RPS6KA4: variants seen among roughly 807,000 people sequenced by gnomAD.
The protein encoded by RPS6KA4 is ribosomal protein S6 kinase alpha-4.
Under a neutral mutation model 89.6 loss-of-function variants are expected in RPS6KA4, and 38 were observed. That is an observed-to-expected ratio of 0.42 (90% CI 0.33 to 0.56). The LOEUF is 0.56. Ranked by LOEUF, RPS6KA4 falls within the 20% of genes least tolerant of loss-of-function variation. The pLI is 0.07. For missense variants in RPS6KA4, 873 were observed against 1,098.8 expected, an observed-to-expected ratio of 0.79 and a Z score of 2.90; for synonymous variants, 495 against 492.8, an observed-to-expected ratio of 1.00 and a Z score of -0.06.
chr11:64,365,360 C>A lies in RPS6KA4; in HGVS notation c.966C>A (p.Ile322=). Residue 322 remains isoleucine (I), a synonymous_variant, in exon 9 of 17, where the codon ATC becomes ATA. Coordinates refer to ENST00000334205, the MANE Select transcript of RPS6KA4 (RefSeq NM_003942.3). ...TTCCAGCCCCATTCCGGCCCCAAAT[C>A]CGCTCAGAGCTGGATGTGGGCAACT... ...RKIPAPFRPQ[I]RSELDVGNFA... The A allele has an allele frequency of 1.2e-6, 2 of 1,614,098 alleles. No individual in the cohort carries two copies. Among genetic ancestry groups the A allele is most frequent in the South Asian group, 1.1e-5 (1 of 91,086 alleles).
At position 64,370,530 on chromosome 11, in the gene RPS6KA4, G is replaced by T; in HGVS notation, c.1958-33G>T. On this transcript the variant is annotated intron_variant, in intron 15 of 16. Coordinates refer to ENST00000334205, the MANE Select transcript of RPS6KA4 (RefSeq NM_003942.3). The surrounding 1 kb of genome is among the most constrained non-coding windows in gnomAD (Gnocchi z 4.1). Reference sequence around the variant, plus strand: ...CTTTGGGGCTCAGCCTTTACGCCAGGCTCCTCCCCACACTTCCTTGCCCCG... The same window carrying T: ...CTTTGGGGCTCAGCCTTTACGCCAGTCTCCTCCCCACACTTCCTTGCCCCG... 1 of 1,588,738 alleles carries T rather than the reference G, an allele frequency of 6.3e-7. No individual in the cohort carries two copies. Among genetic ancestry groups the T allele is most frequent in the Non-Finnish European group, 8.5e-7 (1 of 1,170,750 alleles).
In RPS6KA4 at chr11:64,370,196, C is replaced by T; in HGVS notation, c.1798-29C>T. The T allele has an allele frequency of 6.6e-7, 1 of 1,513,536 alleles. No homozygotes were observed. 93.8% of individuals were successfully genotyped at this position (1,513,536 alleles called of 1,614,324 possible). ...GTCAGCCTCGGCACCCCAGCCTGGG[C>T]CGGCCTCACCTTCCCCTCACCCTCC... On this transcript the variant is annotated intron_variant, in intron 14 of 16. Transcript: ENST00000334205. The surrounding 1 kb of genome is among the most constrained non-coding windows in gnomAD (Gnocchi z 4.1).
At chr11:64,366,038 CAA>C (rs1226198869) in intron 9 of RPS6KA4, among the ~76,000 whole-genome samples, 7 of 110,450 alleles carry the variant, frequency 6.3e-5, no homozygotes, top group African/African-American at 1.2e-4. Flanking sequence ...AACTCCGTCT[CAA>C]AAAAAAAAAA....
Position 64,368,187 on chromosome 11 carries a change from C to T in RPS6KA4, c.1127C>T (p.Thr376Ile), listed in dbSNP as rs779393153. Residue 376 changes from threonine (T) to isoleucine (I), a missense_variant, in exon 10 of 17, where the codon ACC (threonine) becomes ATC (isoleucine). By Grantham distance (89) the Thr-to-Ile change is moderately conservative (BLOSUM62 -1). This residue lies in a region of RPS6KA4 where 542 missense variants were observed against 736.4 expected (regional missense o/e 0.74). Coordinates refer to ENST00000334205, the MANE Select transcript of RPS6KA4 (RefSeq NM_003942.3). ...TTTGACCACAACAACGCGGTGATGA[C>T]CGATGGGCTGGAAGCGCCTGGTGCT... ...ILFDHNNAVM[T>I]DGLEAPGAGD... 11 of 1,613,602 alleles carry T rather than the reference C, an allele frequency of 6.8e-6. No homozygotes were observed. In the Admixed American group the frequency reaches 1.0e-4, roughly 15 times the overall value.
At chr11:64,360,443 G>A (rs1219466741) in intron 3 of RPS6KA4, 34 bp from the exon 4 acceptor site, 3 of 1,596,564 alleles carry the variant, frequency 1.9e-6, no homozygotes, top group East Asian at 2.3e-5. Flanking sequence ...GCCACCTGAC[G>A]GGGCTGCTTC....
In RPS6KA4 at chr11:64,370,579, C is replaced by T. The variant is rs753491076; in HGVS notation, c.1974C>T (p.Asp658=). Residue 658 remains aspartate (D), a synonymous_variant, in exon 16 of 17, where the codon GAC becomes GAT. Transcript: ENST00000334205. The surrounding 1 kb of genome is among the most constrained non-coding windows in gnomAD (Gnocchi z 4.1). ...CGCCTCCAGGGCTCCTGACCGTGGA[C>T]CCCGCCAAGCGGCTGAAGCTCGAGG... ...KELVRGLLTV[D]PAKRLKLEGL... 4 of 1,592,420 alleles carry T rather than the reference C, an allele frequency of 2.5e-6. No individual in the cohort carries two copies. The highest frequency in any genetic ancestry group is 2.2e-5 in the South Asian group (2 of 89,680).
Position 64,360,492 on chromosome 11 carries a change from G to A in RPS6KA4, c.362G>A (p.Gly121Glu). The A allele has an allele frequency of 1.9e-6, 3 of 1,611,102 alleles. No individual in the cohort carries two copies. The highest frequency in any genetic ancestry group is 2.5e-6 in the Non-Finnish European group (3 of 1,178,468). ...LHLILDYVSG[G>E]EMFTHLYQRQ... is the part of the protein sequence containing the mutation. ...CACCTCCCAGACTATGTGAGCGGCG[G>A]GGAGATGTTCACCCACCTCTACCAG... The change falls in exon 4 of 17, where the codon GGG (glycine) becomes GAG (glutamate). Residue 121 changes from glycine to glutamate, a missense_variant. Gly to Glu is a moderately conservative substitution (Grantham distance 98). Coordinates refer to ENST00000334205, the MANE Select transcript of RPS6KA4 (RefSeq NM_003942.3).
Position 64,369,694 on chromosome 11 carries a change from C to T in RPS6KA4, c.1603-5C>T, listed in dbSNP as rs759591204. ...CCTCTGACCACTACCCCGCCGCCCT[C>T]GCAGAACATCCTGTACGCCGACGAC... On this transcript the variant is annotated splice_polypyrimidine_tract_variant and splice_region_variant and intron_variant, in intron 13 of 16. Transcript: ENST00000334205. 3 of 1,604,560 alleles carry T rather than the reference C, an allele frequency of 1.9e-6. No homozygotes were observed. Among genetic ancestry groups the T allele is most frequent in the East Asian group, 2.2e-5 (1 of 44,618 alleles).
chr11:64,369,672 C>G, intron 13 of RPS6KA4, 27 bp from the exon 14 acceptor site: 1 of 1,601,994 alleles, frequency 6.2e-7, no homozygotes, highest in Non-Finnish European at 8.5e-7. Context: ...GGGGCTGCCT[C>G]TGACCACTAC....
In RPS6KA4 at chr11:64,366,309, T is replaced by C. The variant is rs149849733; in HGVS notation, c.1071+844T>C. 2.1e-3 allele frequency among the ~76,000 whole-genome samples: 313 copies of C among 152,192 alleles called. 4 individuals are homozygous for C. In the Middle Eastern group the frequency reaches 0.044, roughly 22 times the overall value. Reference sequence around the variant, plus strand: ...CCTTAGCCTCCTGAGTAGTTGGGACTACAGGCGTGCGCCACCACACCCAGC... The same window carrying C: ...CCTTAGCCTCCTGAGTAGTTGGGACCACAGGCGTGCGCCACCACACCCAGC... On this transcript the variant is annotated intron_variant, in intron 9 of 16. Coordinates refer to ENST00000334205, the MANE Select transcript of RPS6KA4 (RefSeq NM_003942.3).
Position 64,368,559 on chromosome 11 carries a change from G to C in RPS6KA4, c.1292G>C (p.Arg431Pro). The change falls in exon 11 of 17, where the codon CGC (arginine) becomes CCC (proline). Residue 431 changes from arginine (R) to proline (P), a missense_variant. This residue lies in a region of RPS6KA4 where 542 missense variants were observed against 736.4 expected (regional missense o/e 0.74). Coordinates refer to ENST00000334205, the MANE Select transcript of RPS6KA4 (RefSeq NM_003942.3). ...SFSVCRRCRQ[R>P]QSGQEFAVKI... The stretch of plus-strand genomic sequence containing the variant: ...TCTGTGTGTCGCCGCTGCCGCCAGC[G>C]CCAGAGCGGCCAGGAGTTCGCAGTC... The C allele has an allele frequency of 6.3e-7, 1 of 1,597,406 alleles. No homozygotes were observed. The highest frequency in any genetic ancestry group is 8.5e-7 in the Non-Finnish European group (1 of 1,174,484).
rs375270687 is a variant in RPS6KA4 at position 64,361,537 on chromosome 11, G to A, written c.639G>A (p.Thr213=). Residue 213 remains threonine, a synonymous_variant, in exon 6 of 17, where the codon ACG becomes ACA. Transcript: ENST00000334205. This position sits in a 1 kb window ranked among gnomAD's most constrained non-coding sequence, Gnocchi z 4.7. ...YMAPEIIRSK[T]GHGKAVDWWS... is the part of the protein sequence containing the mutation. ...CCCCCGAAATCATCCGTAGCAAGAC[G>A]GGGCATGGCAAGGTAGGTTGGCAGG... 1.9e-5 allele frequency: 31 copies of A among 1,614,038 alleles called. No homozygotes were observed. The highest frequency in any genetic ancestry group is 3.3e-5 in the Admixed American group (2 of 60,002).
In RPS6KA4 at chr11:64,369,582, A is replaced by G; in HGVS notation, c.1565A>G (p.Glu522Gly). The change falls in exon 13 of 17, where the codon GAG (glutamate) becomes GGG (glycine). Residue 522 changes from glutamate to glycine, a missense_variant. Glu to Gly is a moderately conservative substitution (Grantham distance 98). Transcript: ENST00000334205. ...SLVSAVSFMH[E>G]EAGVVHRDLK... ...GTGTCGGCCGTGAGCTTCATGCACGAGGAGGCGGGCGTGGTGCACCGCGAC... is the reference window on the plus strand; with the variant it reads ...GTGTCGGCCGTGAGCTTCATGCACGGGGAGGCGGGCGTGGTGCACCGCGAC... 1 of 1,606,122 alleles carries G rather than the reference A, an allele frequency of 6.2e-7. No individual in the cohort carries two copies. The highest frequency in any genetic ancestry group is 1.1e-5 in the South Asian group (1 of 90,286).
chr11:64,366,420 C>T (rs1482676587), intron 9 of RPS6KA4, among the ~76,000 whole-genome samples: 7 of 152,290 alleles, frequency 4.6e-5, no homozygotes, highest in Admixed American at 3.3e-4. Context: ...CCGCCCACCT[C>T]GGCCTCCCAA....
At chr11:64,359,349 C>T in intron 1 of RPS6KA4, 29 bp from the exon 2 acceptor site, 11 of 1,611,416 alleles carry the variant, frequency 6.8e-6, no homozygotes, top group Non-Finnish European at 9.3e-6. Context: ...CATGGACCGG[C>T]TGGGCTCATT....
intron 16 of RPS6KA4, 93 bp from the exon 17 acceptor site, chr11:64,371,190 G>T (rs1408410625): frequency 2.4e-6 from 3 of 1,257,582 alleles, no homozygotes; most frequent in East Asian, 2.4e-5. Context: ...TGACCTAGGC[G>T]GCTGGAGGCA....
chr11:64,371,101 C>CAA (rs374004148), intron 16 of RPS6KA4, among the ~76,000 whole-genome samples, 182 bp from the exon 17 acceptor site: 15 of 88,762 alleles, frequency 1.7e-4, no homozygotes, highest in African/African-American at 3.6e-4. Flanking sequence ...GAGACTCCGT[C>CAA]AAAAAAAAAA....
Position 64,365,417 on chromosome 11 carries a change from C to G in RPS6KA4, c.1023C>G (p.Val341=). 2.5e-6 allele frequency: 4 copies of G among 1,614,102 alleles called. No individual in the cohort carries two copies. The highest frequency in any genetic ancestry group is 3.4e-6 in the Non-Finnish European group (4 of 1,180,016). Reference sequence around the variant, plus strand: ...AGGAATTCACTCGGCTGGAGCCTGTCTACTCACCCCCTGGCAGCCCCCCAC... The same window carrying G: ...AGGAATTCACTCGGCTGGAGCCTGTGTACTCACCCCCTGGCAGCCCCCCAC... ...FAEEFTRLEP[V]YSPPGSPPPG... is the part of the protein sequence containing the mutation. Residue 341 remains valine, a synonymous_variant, in exon 9 of 17, where the codon GTC becomes GTG. Coordinates refer to ENST00000334205, the MANE Select transcript of RPS6KA4 (RefSeq NM_003942.3).
chr11:64,369,283 T>G (rs1358121920), intron 12 of RPS6KA4, among the ~76,000 whole-genome samples, 163 bp from the exon 13 acceptor site: 1 of 140,782 alleles, frequency 7.1e-6, no homozygotes, highest in East Asian at 2.1e-4. Flanking sequence ...AAAGCGAGAC[T>G]GTCTCCAAAA....
Sources: gnomAD v4.1 joint callset for allele counts (sites outside exome capture counted in the v4.1 genomes callset) on GRCh38, gnomAD v4.1.1 for gene constraint, gnomAD v4.1.1 regional missense constraint, Gnocchi (gnomAD v3.1) non-coding constraint, MANE v1.5 for transcripts, NCBI Gene and HGNC (gene_info 2026-07-23, HGNC 2026-07-21) for gene names.